The following FOXP2 variants were observed in gnomAD, a reference collection of about 807,000 sequenced individuals.
The protein encoded by FOXP2 is forkhead box protein P2.
Under a neutral mutation model 115.8 loss-of-function variants are expected in FOXP2, and 12 were observed. That is an observed-to-expected ratio of 0.10 (90% CI 0.07 to 0.17). The LOEUF (loss-of-function observed/expected upper bound fraction) is 0.17. Ranked by LOEUF, FOXP2 falls within the 10% of genes least tolerant of loss-of-function variation. The pLI is 1.00. For synonymous variants in FOXP2, 328 were observed against 297.7 expected (o/e 1.10, Z -1.05); for missense variants, 629 against 843.5 (o/e 0.75, Z 3.15).
Position 114,693,656 on chromosome 7 carries a change from T to A in FOXP2, c.*3730T>A, listed in dbSNP as rs1281302416. The A allele has an allele frequency of 2.3e-6, 1 of 429,894 alleles. No individual in the cohort carries two copies. The highest frequency in any genetic ancestry group is 2.0e-5 in the African/African-American group (1 of 49,314). The allele number at this position is 429,894 out of a possible 1,614,324, so 26.6% of individuals were successfully genotyped here. ...TGTACATTTTACTATAGAATTAATG[T>A]ATGAACAGTGTGTCACTGCTGTTGG... is the stretch of plus-strand genomic sequence containing the variant. On this transcript the variant is annotated 3_prime_UTR_variant, in exon 17 of 17. Coordinates refer to ENST00000350908, the MANE Select transcript of FOXP2 (RefSeq NM_014491.4).
chr7:114,399,252 C>A (rs1792818651), intron 2 of FOXP2, among the ~76,000 whole-genome samples: 1 of 151,806 alleles, frequency 6.6e-6, no homozygotes, highest in Non-Finnish European at 1.5e-5. Flanking sequence ...TGATTACAGG[C>A]ACCTGCCACC....
intron 1 of FOXP2, among the ~76,000 whole-genome samples, chr7:114,262,597 AG>A (rs1795784757): frequency 6.6e-6 from 1 of 152,242 alleles, no homozygotes; most frequent in African/African-American, 2.4e-5. Context: ...TTAGCCACAC[AG>A]GGTTGCTGAG....
intron 2 of FOXP2, among the ~76,000 whole-genome samples, chr7:114,506,839 T>A (rs990334894): frequency 1.3e-5 from 2 of 151,748 alleles, no homozygotes; most frequent in African/African-American, 4.8e-5. Flanking sequence ...CAGTGAGTGA[T>A]GGAACATTGA....
At chr7:114,500,776 A>C (rs571048796) in intron 2 of FOXP2, among the ~76,000 whole-genome samples, 12 of 152,318 alleles carry the variant, frequency 7.9e-5, no homozygotes, top group Non-Finnish European at 1.8e-4. Flanking sequence ...CAAACAAACA[A>C]GCATTTTTTC....
intron 16 of FOXP2, chr7:114,668,817 A>G (rs1046179841): frequency 6.6e-6 from 1 of 152,148 alleles, no homozygotes; most frequent in Non-Finnish European, 1.5e-5. Context: ...GCATTCAGTA[A>G]AAGTATGATA....
chr7:114,650,939 C>T lies in FOXP2; in HGVS notation c.1095-1264C>T, dbSNP rs76320826. On this transcript the variant is annotated intron_variant, in intron 8 of 16. Transcript: ENST00000350908. ...AAAACAAAGGTTTCTGATTGTTGAA[C>T]CTAGGTATATAAACAAATAAACCTT... is the stretch of plus-strand genomic sequence containing the variant. Among the ~76,000 whole-genome samples, 99 of 152,030 alleles carry T rather than the reference C, an allele frequency of 6.5e-4. No individual in the cohort carries two copies. The East Asian group carries it at 8.1e-3, about 12-fold the overall frequency.
intron 1 of FOXP2, among the ~76,000 whole-genome samples, chr7:114,089,819 CACAAA>C (rs1799507764): frequency 6.6e-6 from 1 of 151,882 alleles, no homozygotes; most frequent in Admixed American, 6.6e-5. Context: ...ATTTCAAACA[CACAAA>C]ACAAGTCTCT....
chr7:114,566,066 C>T (rs1426480999), intron 3 of FOXP2, among the ~76,000 whole-genome samples: 1 of 152,128 alleles, frequency 6.6e-6, no homozygotes, highest in African/African-American at 2.4e-5. Flanking sequence ...CCAATAGCTA[C>T]ATTGTCCCTG....
chr7:114,510,058 C>T (rs1797999371), intron 2 of FOXP2, among the ~76,000 whole-genome samples: 3 of 152,138 alleles, frequency 2.0e-5, no homozygotes, highest in South Asian at 4.1e-4. Context: ...AAAAGACTGA[C>T]ATTAAATGAT....
chr7:114,354,131 T>C (rs1791559440), intron 2 of FOXP2, among the ~76,000 whole-genome samples: 1 of 152,150 alleles, frequency 6.6e-6, no homozygotes, highest in African/African-American at 2.4e-5. Context: ...AATAGGGGAA[T>C]ATGATTCCTG....
intron 3 of FOXP2, 148 bp downstream of exon 3, chr7:114,534,854 T>A: frequency 1.4e-6 from 1 of 690,382 alleles, no homozygotes; most frequent in Non-Finnish European, 2.5e-6. Context: ...TCATTTTATC[T>A]TCTTAAAGGA....
intron 1 of FOXP2, among the ~76,000 whole-genome samples, chr7:114,090,938 G>A (rs1799530096): frequency 4.0e-5 from 6 of 151,436 alleles, no homozygotes; most frequent in Admixed American, 3.9e-4. Context: ...TAACAGCTAA[G>A]CATAGTTAGA....
At position 114,351,451 on chromosome 7, in the gene FOXP2, A is replaced by C. The variant is rs115579610; in HGVS notation, c.-11+63342A>C. ...ATTCTTTGAATGTGCTATAAAGCAC[A>C]TTGGTGCTTTATAATCCAAAGAAAA... On this transcript the variant is annotated intron_variant, in intron 2 of 17. Coordinates refer to the FOXP2 transcript ENST00000634411. 8.0e-3 allele frequency among the ~76,000 whole-genome samples: 1,212 copies of C among 152,236 alleles called. 13 individuals are homozygous for C. Among genetic ancestry groups the C allele is most frequent in the African/African-American group, 0.028 (1,155 of 41,556 alleles).
rs952269284 is a variant in FOXP2 at position 114,291,020 on chromosome 7, G to A, written c.-11+2911G>A. 2.6e-5 allele frequency among the ~76,000 whole-genome samples: 4 copies of A among 152,218 alleles called. No homozygotes were observed. In the South Asian group the frequency reaches 8.3e-4, roughly 32 times the overall value. ...CCCTGTATAGGATAATCTAATTTATGTCTAATCATGGGTCTTACAAGAAAT... is the reference window on the plus strand; with the variant it reads ...CCCTGTATAGGATAATCTAATTTATATCTAATCATGGGTCTTACAAGAAAT... On this transcript the variant is annotated intron_variant, in intron 2 of 17. Coordinates refer to the FOXP2 transcript ENST00000634411.
rs535845345 is a variant in FOXP2 at position 114,237,766 on chromosome 7, G to T, written c.-101-50253G>T. 7.0e-4 allele frequency among the ~76,000 whole-genome samples: 106 copies of T among 152,112 alleles called. 1 individual carries two copies. In the Middle Eastern group the frequency reaches 0.017, roughly 24 times the overall value. On this transcript the variant is annotated intron_variant, in intron 1 of 17. Transcript: ENST00000634411. ...AGGCAAGCGGATTACTTGAGGCCAA[G>T]AGTTTGAGACCAGCCTGGGCAACAT...
intron 2 of FOXP2, among the ~76,000 whole-genome samples, chr7:114,346,993 A>C (rs1253284951): frequency 6.6e-6 from 1 of 151,878 alleles, no homozygotes; most frequent in Non-Finnish European, 1.5e-5. Context: ...ATTTTAGCCC[A>C]TAAACGTAGA....
intron 1 of FOXP2, among the ~76,000 whole-genome samples, chr7:114,236,364 TG>T (rs2129166768): frequency 6.6e-6 from 1 of 152,330 alleles, no homozygotes; most frequent in East Asian, 1.9e-4. Flanking sequence ...TTTATAATAG[TG>T]GATGGAGGAT....
At chr7:114,194,042 T>A (rs1793832729) in intron 1 of FOXP2, among the ~76,000 whole-genome samples, 1 of 148,704 alleles carries the variant, frequency 6.7e-6, no homozygotes. Flanking sequence ...CTTTGGAAAT[T>A]TGTTCTAAAT....
intron 2 of FOXP2, among the ~76,000 whole-genome samples, chr7:114,450,468 T>C (rs551664553): frequency 3.9e-5 from 6 of 152,266 alleles, no homozygotes; most frequent in Admixed American, 6.5e-5. Flanking sequence ...TGTTGAAATA[T>C]GAGTATATAA....
Sources: allele counts gnomAD v4.1 joint callset (sites outside exome capture counted in the v4.1 genomes callset), GRCh38; gene constraint gnomAD v4.1.1; transcripts MANE v1.5; gene names NCBI Gene and HGNC (gene_info 2026-07-23, HGNC 2026-07-21).